The following TMEM132D variants were observed in gnomAD, a reference collection of about 807,000 sequenced individuals.
TMEM132D encodes mature OL transmembrane protein.
A neutral mutation model predicts 62.3 loss-of-function variants in TMEM132D; 21 were observed. The ratio of observed to expected loss-of-function variants is 0.34; its 90% CI spans 0.24 to 0.49. The LOEUF is 0.49. Among genes scored for constraint, TMEM132D ranks in the 20% least tolerant of loss-of-function variants. The probability of loss-of-function intolerance (pLI) is 0.99; values close to 1 mark genes in which losing one functional copy is unlikely to be tolerated. For synonymous variants in TMEM132D, 621 were observed against 575.6 expected, an observed-to-expected ratio of 1.08 and a Z score of -1.13; for missense variants, 1,346 against 1,402.8, an observed-to-expected ratio of 0.96 and a Z score of 0.65.
chr12:129,506,783 C>T (rs1875344221), intron 3 of TMEM132D, among the ~76,000 whole-genome samples: 1 of 152,160 alleles, frequency 6.6e-6, no homozygotes, highest in African/African-American at 2.4e-5. Flanking sequence ...AAAAACTCTT[C>T]TAGACATTGG....
intron 3 of TMEM132D, among the ~76,000 whole-genome samples, chr12:129,398,841 TC>T (rs543370703): frequency 0.43 from 53,449 of 124,914 alleles, 10,283 homozygotes; most frequent in Non-Finnish European, 0.45. Context: ...TATTCATCCA[TC>T]CATCCATCCA....
At chr12:129,567,613 T>G (rs563536522) in intron 2 of TMEM132D, among the ~76,000 whole-genome samples, 31 of 152,298 alleles carry the variant, frequency 2.0e-4, no homozygotes, top group African/African-American at 7.5e-4. Context: ...AAGTCAGACA[T>G]TAAAGACATT....
At chr12:129,306,744 T>C (rs2135631742) in intron 4 of TMEM132D, among the ~76,000 whole-genome samples, 1 of 152,276 alleles carries the variant, frequency 6.6e-6, no homozygotes, top group East Asian at 1.9e-4. Context: ...ACAAAGTCAA[T>C]AATATTCAAA....
At chr12:129,845,225 T>C (rs1873324698) in intron 1 of TMEM132D, among the ~76,000 whole-genome samples, 1 of 152,230 alleles carries the variant, frequency 6.6e-6, no homozygotes, top group African/African-American at 2.4e-5. Flanking sequence ...TTGTGGCTAA[T>C]ATCCCAGGGC....
At chr12:129,113,562 G>C (rs1875792699) in intron 5 of TMEM132D, among the ~76,000 whole-genome samples, 2 of 152,278 alleles carry the variant, frequency 1.3e-5, no homozygotes, top group East Asian at 1.9e-4. Flanking sequence ...ACATTAAAAA[G>C]ACATATTAGC....
At chr12:129,806,706 A>C (rs569022790) in intron 1 of TMEM132D, among the ~76,000 whole-genome samples, 1 of 152,022 alleles carries the variant, frequency 6.6e-6, no homozygotes, top group African/African-American at 2.4e-5. Flanking sequence ...TAAAAGAAAA[A>C]AATAAAAATA....
chr12:129,322,737 A>G (rs1220651462), intron 4 of TMEM132D, among the ~76,000 whole-genome samples: 1 of 152,186 alleles, frequency 6.6e-6, no homozygotes, highest in Admixed American at 6.5e-5. Context: ...CTGTTTTTCA[A>G]AGATGAATCT....
At chr12:129,579,289 C>A (rs1877773700) in intron 2 of TMEM132D, among the ~76,000 whole-genome samples, 1 of 152,170 alleles carries the variant, frequency 6.6e-6, no homozygotes, top group African/African-American at 2.4e-5. Context: ...AGAATTTACA[C>A]AGATTTTTGT....
At position 129,779,355 on chromosome 12, in the gene TMEM132D, C is replaced by T. The variant is rs1247014239; in HGVS notation, c.80-78657G>A. Among the ~76,000 whole-genome samples, 1 of 152,184 alleles carries T rather than the reference C, an allele frequency of 6.6e-6. No individual in the cohort carries two copies. The highest frequency in any genetic ancestry group is 1.5e-5 in the Non-Finnish European group (1 of 68,026). ...CCAGGCTGGAGAGCAGTGGTGTTAT[C>T]TCTGCTCACTACAACCTCCACTTCC... On this transcript the variant is annotated intron_variant, in intron 1 of 8. Transcript: ENST00000422113. The surrounding 1 kb of genome is among the most constrained non-coding windows in gnomAD (Gnocchi z 4.1).
chr12:129,813,265 C>T (rs1872242520), intron 1 of TMEM132D, among the ~76,000 whole-genome samples: 1 of 151,694 alleles, frequency 6.6e-6, no homozygotes, highest in South Asian at 2.1e-4. Flanking sequence ...CACTGGTTTC[C>T]TCACATACTC....
chr12:129,516,491 AGG>A (rs1593047017), intron 3 of TMEM132D, among the ~76,000 whole-genome samples: 1 of 151,504 alleles, frequency 6.6e-6, no homozygotes, highest in East Asian at 1.9e-4. Flanking sequence ...GGTGGCAGAC[AGG>A]AGAGAAAATG....
Position 129,363,520 on chromosome 12 carries a change from C to T in TMEM132D, c.1116-25703G>A, listed in dbSNP as rs554141378. Among the ~76,000 whole-genome samples, 6 of 152,204 alleles carry T rather than the reference C, an allele frequency of 3.9e-5. No homozygotes were observed. In the South Asian group the frequency reaches 6.2e-4, roughly 16 times the overall value. On this transcript the variant is annotated intron_variant, in intron 3 of 8. Transcript: ENST00000422113. ...TTTTCTCAACTCCCATCTGATATGA[C>T]AAATGAAAGTGCTGAGAGGCTCAGA...
chr12:129,514,633 G>T (rs1875619664), intron 3 of TMEM132D, among the ~76,000 whole-genome samples: 2 of 152,152 alleles, frequency 1.3e-5, no homozygotes, highest in African/African-American at 4.8e-5. Flanking sequence ...ATTCATCTTT[G>T]CATCCTTAGG....
intron 2 of TMEM132D, among the ~76,000 whole-genome samples, chr12:129,536,869 A>G (rs1293030750): frequency 2.0e-5 from 3 of 152,112 alleles, no homozygotes; most frequent in African/African-American, 7.2e-5. Flanking sequence ...AAATATTTTC[A>G]TATGCGGCCG....
intron 1 of TMEM132D, among the ~76,000 whole-genome samples, chr12:129,809,177 G>A (rs547764334): frequency 2.6e-5 from 4 of 151,924 alleles, no homozygotes; most frequent in Admixed American, 2.0e-4. Flanking sequence ...GCATGGTGGC[G>A]GGCACCTGTA....
chr12:129,540,774 G>C (rs778257541), intron 2 of TMEM132D, among the ~76,000 whole-genome samples: 2 of 152,138 alleles, frequency 1.3e-5, no homozygotes, highest in African/African-American at 4.8e-5. Flanking sequence ...ACAGGTGTGA[G>C]CCACCATGCC....
chr12:129,821,588 C>T (rs937646378), intron 1 of TMEM132D, among the ~76,000 whole-genome samples: 2 of 152,164 alleles, frequency 1.3e-5, no homozygotes, highest in African/African-American at 4.8e-5. Context: ...AAAACCCATT[C>T]GATCTGAAGA....
intron 1 of TMEM132D, among the ~76,000 whole-genome samples, chr12:129,828,775 GAAGA>G (rs1392128229): frequency 1.4e-4 from 8 of 58,204 alleles, no homozygotes; most frequent in East Asian, 6.5e-4. Context: ...AGGGAGGGAG[GAAGA>G]AAAGGAGGGA....
Position 129,088,325 on chromosome 12 carries a change from C to T in TMEM132D, c.1444-3623G>A, listed in dbSNP as rs1254834205. Reference sequence around the variant, plus strand: ...CTCCATGACCGGGTGTCCTCCCTGACCGGGGTGTCCTCTATGACCGGGTGT... The same window carrying T: ...CTCCATGACCGGGTGTCCTCCCTGATCGGGGTGTCCTCTATGACCGGGTGT... On this transcript the variant is annotated intron_variant, in intron 5 of 8. Transcript: ENST00000422113. 2.0e-3 allele frequency among the ~76,000 whole-genome samples: 90 copies of T among 45,528 alleles called. 30 individuals are homozygous for T. Among genetic ancestry groups the T allele is most frequent in the African/African-American group, 0.014 (87 of 6,086 alleles). The allele number at this position is 45,528 out of a possible 152,430, so 29.9% of individuals were successfully genotyped here. A position where few individuals can be genotyped will look rare whatever the true frequency, so the allele number is the denominator to read the frequency against.
Sources: allele counts gnomAD v4.1 joint callset (sites outside exome capture counted in the v4.1 genomes callset), GRCh38; gene constraint gnomAD v4.1.1; non-coding constraint Gnocchi (gnomAD v3.1); transcripts MANE v1.5; gene names NCBI Gene and HGNC (gene_info 2026-07-23, HGNC 2026-07-21).